GDPD5: variants seen among roughly 807,000 people sequenced by gnomAD.
The protein encoded by GDPD5 is glycerophosphodiester phosphodiesterase domain containing 5.
A neutral mutation model predicts 75.1 loss-of-function variants in GDPD5; 48 were observed. The ratio of observed to expected loss-of-function variants is 0.64; its 90% CI spans 0.51 to 0.81. GDPD5 has a LOEUF of 0.81. Ranked by LOEUF, GDPD5 falls within the 40% of genes least tolerant of loss-of-function variation. The pLI is 0.00. For synonymous variants in GDPD5, 336 were observed against 339.0 expected (o/e 0.99, Z 0.10); for missense variants, 706 against 822.6 (o/e 0.86, Z 1.73).
chr11:75,524,803 C>T (rs911674819), intron 1 of GDPD5, among the ~76,000 whole-genome samples: 1 of 151,432 alleles, frequency 6.6e-6, no homozygotes, highest in African/African-American at 2.4e-5. Flanking sequence ...GGCCAGGGAG[C>T]GGGAGGCAAG....
At chr11:75,469,270 C>G (rs575084756) in intron 3 of GDPD5, among the ~76,000 whole-genome samples, 1 of 152,138 alleles carries the variant, frequency 6.6e-6, no homozygotes, top group South Asian at 2.1e-4. Context: ...GGCTGCATCC[C>G]GGGCTGTGGG....
chr11:75,442,791 G>A, intron 11 of GDPD5: 1 of 609,610 alleles, frequency 1.6e-6, no homozygotes, highest in Non-Finnish European at 2.9e-6. Context: ...ACGGAGGACG[G>A]CTTGCTTGGA....
chr11:75,500,171 C>T (rs1269181876), intron 1 of GDPD5, among the ~76,000 whole-genome samples: 1 of 152,086 alleles, frequency 6.6e-6, no homozygotes, highest in African/African-American at 2.4e-5. Context: ...ACTTCACCCT[C>T]CCTCCTCCCT....
chr11:75,512,090 C>G (rs1659783803), intron 1 of GDPD5, among the ~76,000 whole-genome samples: 1 of 152,030 alleles, frequency 6.6e-6, no homozygotes, highest in Non-Finnish European at 1.5e-5. Context: ...TGCAGAGGTC[C>G]TCAATCAGGA....
chr11:75,446,161 G>A (rs1418260778), intron 9 of GDPD5, among the ~76,000 whole-genome samples: 2 of 152,234 alleles, frequency 1.3e-5, no homozygotes, highest in Non-Finnish European at 2.9e-5. Context: ...GCATGGGCTG[G>A]GGCTGCAGAA....
At chr11:75,513,451 G>T (rs1004647734) in intron 1 of GDPD5, among the ~76,000 whole-genome samples, 2 of 152,170 alleles carry the variant, frequency 1.3e-5, no homozygotes, top group African/African-American at 4.8e-5. Context: ...AAGCTCCGGT[G>T]TGTCTGATTC....
rs764632337 is a variant in GDPD5, at chr11:75,449,906, C to T, written c.453G>A (p.Glu151=). ...AVAQLWEDEW[E]VLLISLQGTA... ...TCACCTGCAGGGAGATCAGCAGCAC[C>T]TCCCACTCGTCCTCCCACAGCTGGG... The change falls in exon 7 of 17, where the codon GAG becomes GAA. Residue 151 remains glutamate (E), a synonymous_variant. Transcript: ENST00000336898. 24 of 1,613,666 alleles carry T rather than the reference C, an allele frequency of 1.5e-5. No individual in the cohort carries two copies. Among genetic ancestry groups the T allele is most frequent in the Admixed American group, 6.7e-5 (4 of 60,010 alleles).
intron 2 of GDPD5, 140 bp from the exon 3 acceptor site, chr11:75,477,935 C>A (rs1228080609): frequency 1.7e-5 from 7 of 413,844 alleles, no homozygotes; most frequent in Admixed American, 4.0e-5. Flanking sequence ...CTTGGAGTCA[C>A]AGGCCCACCC....
chr11:75,462,779 T>C lies in GDPD5; in HGVS notation c.221+7A>G. On this transcript the variant is annotated splice_region_variant and intron_variant, in intron 4 of 16. Coordinates refer to ENST00000336898, the MANE Select transcript of GDPD5 (RefSeq NM_030792.8). ...CCCTTCCTCCCCCACCCACTGCCCC[T>C]ACTCACCAGTTGAATTCATCATAGT... is the stretch of plus-strand genomic sequence containing the variant. 6.5e-7 allele frequency: 1 copy of C among 1,537,406 alleles called. No homozygotes were observed. Among genetic ancestry groups the C allele is most frequent in the Non-Finnish European group, 8.9e-7 (1 of 1,123,842 alleles).
chr11:75,488,872 G>T (rs1950059868), intron 2 of GDPD5, among the ~76,000 whole-genome samples: 1 of 152,146 alleles, frequency 6.6e-6, no homozygotes, highest in African/African-American at 2.4e-5. Context: ...TGATCCACTT[G>T]GCCAAGCTTT....
Position 75,449,882 on chromosome 11 carries a change from C to T in GDPD5, c.474+3G>A. The T allele has an allele frequency of 6.2e-7, 1 of 1,613,166 alleles. No homozygotes were observed. The highest frequency in any genetic ancestry group is 8.5e-7 in the Non-Finnish European group (1 of 1,179,478). On this transcript the variant is annotated splice_donor_region_variant and intron_variant, in intron 7 of 16. Transcript: ENST00000336898. ...AGGGTCCTGGGGGACCCTCCTCACT[C>T]ACCTGCAGGGAGATCAGCAGCACCT...
At chr11:75,512,237 T>C (rs1351060155) in intron 1 of GDPD5, among the ~76,000 whole-genome samples, 1 of 149,110 alleles carries the variant, frequency 6.7e-6, no homozygotes, top group Non-Finnish European at 1.5e-5. Flanking sequence ...GGTCAATTGT[T>C]CCATTTCTTA....
chr11:75,524,989 A>G (rs975122253), intron 1 of GDPD5, among the ~76,000 whole-genome samples: 4 of 152,220 alleles, frequency 2.6e-5, no homozygotes, highest in Non-Finnish European at 5.9e-5. Flanking sequence ...CTATTTCAGG[A>G]GTAGCAGTGA....
intron 16 of GDPD5, among the ~76,000 whole-genome samples, chr11:75,436,416 T>G (rs1181653267): frequency 6.6e-6 from 1 of 152,074 alleles, no homozygotes; most frequent in East Asian, 1.9e-4. Flanking sequence ...CCCATCTCAG[T>G]GTATCAGGCG....
At chr11:75,492,854 T>C (rs1232487116) in intron 1 of GDPD5, among the ~76,000 whole-genome samples, 1 of 152,152 alleles carries the variant, frequency 6.6e-6, no homozygotes, top group Non-Finnish European at 1.5e-5. Context: ...TGCCTCAGCC[T>C]CCCGAGTAGC....
Position 75,435,597 on chromosome 11 carries a change from A to T in GDPD5, c.1728T>A (p.Tyr576Ter). 1.2e-6 allele frequency: 2 copies of T among 1,613,708 alleles called. No individual in the cohort carries two copies. The highest frequency in any genetic ancestry group is 1.7e-6 in the Non-Finnish European group (2 of 1,179,804). The change falls in exon 17 of 17, where the codon TAT (tyrosine) becomes TAA (stop). Residue 576 changes from tyrosine (Y) to a stop codon, truncating the protein, a stop_gained. Transcript: ENST00000336898. LOFTEE classifies it high-confidence loss of function. ...DVLSVCSDNS[Y>*]DTYANSTATP... ...TGGCGGTGCTGTTGGCATATGTGTC[A>T]TAACTGTTGTCTGAACATACGGAGA...
At chr11:75,465,964 A>G (rs1170440414) in intron 3 of GDPD5, among the ~76,000 whole-genome samples, 1 of 152,232 alleles carries the variant, frequency 6.6e-6, no homozygotes, top group African/African-American at 2.4e-5. Flanking sequence ...AGGGGCCGGG[A>G]GGGCCCATGG....
chr11:75,449,759 T>A, intron 7 of GDPD5, 126 bp downstream of exon 7: 4 of 1,247,004 alleles, frequency 3.2e-6, no homozygotes, highest in Non-Finnish European at 4.6e-6. Flanking sequence ...CCTGGTGTCC[T>A]CCCTAGTTCT....
At chr11:75,486,081 T>C (rs969121905) in intron 2 of GDPD5, among the ~76,000 whole-genome samples, 11 of 152,170 alleles carry the variant, frequency 7.2e-5, no homozygotes, top group Non-Finnish European at 1.3e-4. Context: ...ATCTGTATCA[T>C]GGGAGGGTTT....
Sources: allele counts gnomAD v4.1 joint callset (sites outside exome capture counted in the v4.1 genomes callset), GRCh38; gene constraint gnomAD v4.1.1; transcripts MANE v1.5; gene names NCBI Gene and HGNC (gene_info 2026-07-23, HGNC 2026-07-21).